Variants in PHACTR2 observed in about 807,000 individuals in gnomAD.
PHACTR2 encodes phosphatase and actin regulator 2.
PHACTR2 carries 30 observed loss-of-function variants against 76.0 expected under a neutral mutation model. The ratio of observed to expected loss-of-function variants is 0.39; its 90% CI spans 0.30 to 0.54. The LOEUF (loss-of-function observed/expected upper bound fraction) is 0.54. PHACTR2 is among the 20% of genes least tolerant of loss of function. The pLI is 0.61. For synonymous variants in PHACTR2, 292 were observed against 292.5 expected, an observed-to-expected ratio of 1.00 and a Z score of 0.02; for missense variants, 696 against 781.1, an observed-to-expected ratio of 0.89 and a Z score of 1.30.
rs1285473884 is a variant in PHACTR2 at position 143,820,710 on chromosome 6, G to A, written c.1923-2964G>A. On this transcript the variant is annotated intron_variant, in intron 12 of 12. Transcript: ENST00000440869. This position sits in a 1 kb window ranked among gnomAD's most constrained non-coding sequence, Gnocchi z 4.2. ...TGGATCTACCATTCTGGGGTCTGGA[G>A]GACAGTGACTTCCTTTTCACAGTTC... Among the ~76,000 whole-genome samples, 1 of 152,184 alleles carries A rather than the reference G, an allele frequency of 6.6e-6. No individual in the cohort carries two copies. Among genetic ancestry groups the A allele is most frequent in the East Asian group, 1.9e-4 (1 of 5,192 alleles).
intron 10 of PHACTR2, among the ~76,000 whole-genome samples, chr6:143,786,719 A>G (rs1182132548): frequency 6.6e-6 from 1 of 152,212 alleles, no homozygotes; most frequent in Non-Finnish European, 1.5e-5. Flanking sequence ...TAAAATGAGG[A>G]GAAAGCAAAA....
At chr6:143,631,029 G>C (rs1176689715) in intron 1 of PHACTR2, among the ~76,000 whole-genome samples, 1 of 152,108 alleles carries the variant, frequency 6.6e-6, no homozygotes, top group African/African-American at 2.4e-5. Flanking sequence ...AGCCTTCCTT[G>C]TTGGAAGGTA....
chr6:143,813,498 G>A (rs1201292290), intron 12 of PHACTR2, among the ~76,000 whole-genome samples: 1 of 151,690 alleles, frequency 6.6e-6, no homozygotes, highest in Non-Finnish European at 1.5e-5. Context: ...GGCGCCTGTA[G>A]TGCCAGCTAC....
At position 143,557,380 on chromosome 6, in the gene PHACTR2, C is replaced by T. The variant is rs1775193652; in HGVS notation, c.217+20173C>T. Among the ~76,000 whole-genome samples, 1 of 152,168 alleles carries T rather than the reference C, an allele frequency of 6.6e-6. No homozygotes were observed. Among genetic ancestry groups the T allele is most frequent in the African/African-American group, 2.4e-5 (1 of 41,438 alleles). On this transcript the variant is annotated intron_variant, in intron 1 of 11. Coordinates refer to the PHACTR2 transcript ENST00000367584. This position sits in a 1 kb window ranked among gnomAD's most constrained non-coding sequence, Gnocchi z 5.5. ...GTAAGTGCAGAGGCAGAATTTAAAGCCAAGTCTTCTGAGTCCAAGTTCAGG... is the reference window on the plus strand; with the variant it reads ...GTAAGTGCAGAGGCAGAATTTAAAGTCAAGTCTTCTGAGTCCAAGTTCAGG...
rs900677626 is a variant in PHACTR2, at chr6:143,825,370, T to C, written c.*1681T>C. ...TTTATTTAAAAATAAAAAATGTTAA[T>C]GCCAGTTGGCCTACTATAAAAAGCC... On this transcript the variant is annotated 3_prime_UTR_variant, in exon 13 of 13. Coordinates refer to ENST00000440869, the MANE Select transcript of PHACTR2 (RefSeq NM_001100164.2). This position sits in a 1 kb window ranked among gnomAD's most constrained non-coding sequence, Gnocchi z 4.1. The C allele has an allele frequency of 6.6e-6, 1 of 152,240 alleles. No homozygotes were observed. Among genetic ancestry groups the C allele is most frequent in the Admixed American group, 6.5e-5 (1 of 15,278 alleles). The allele number at this position is 152,240 out of a possible 1,614,324, so 9.4% of individuals were successfully genotyped here.
In PHACTR2 at chr6:143,641,705, C is replaced by T. The variant is rs1183816749; in HGVS notation, c.13+33383C>T. Among the ~76,000 whole-genome samples the T allele has an allele frequency of 6.6e-6, 1 of 152,044 alleles. No homozygotes were observed. Among genetic ancestry groups the T allele is most frequent in the Non-Finnish European group, 1.5e-5 (1 of 68,008 alleles). On this transcript the variant is annotated intron_variant, in intron 1 of 11. Transcript: ENST00000305766. The surrounding 1 kb of genome is among the most constrained non-coding windows in gnomAD (Gnocchi z 5.8). ...ATTTTGAATAGAGACGGGGTTTCTC[C>T]ATGTTGGTCAGGCTGGTCTTGAACT...
In PHACTR2 at chr6:143,587,336, A is replaced by T. The variant is rs149146424; in HGVS notation, c.217+50129A>T. ...ACATAGGAATGCTACGTTTTCTAGG[A>T]TTTGACATTTTCAGCGATCAAGAAT... On this transcript the variant is annotated intron_variant, in intron 1 of 11. Transcript: ENST00000367584. Among the ~76,000 whole-genome samples the T allele has an allele frequency of 3.7e-3, 564 of 152,362 alleles. 15 individuals are homozygous for T. In the East Asian group the frequency reaches 0.062, roughly 17 times the overall value.
At chr6:143,786,872 C>T (rs184147478) in intron 10 of PHACTR2, among the ~76,000 whole-genome samples, 1 of 152,190 alleles carries the variant, frequency 6.6e-6, no homozygotes, top group South Asian at 2.1e-4. Flanking sequence ...AGATACAATT[C>T]AAGTTGAGAT....
chr6:143,806,986 G>A lies in PHACTR2; in HGVS notation c.1846-71G>A. ...AAAAAAAAAAAAGGTCTGCTTCATT[G>A]ATGCTGTATATACTGGGGCAATATA... On this transcript the variant is annotated intron_variant, in intron 11 of 12. Transcript: ENST00000440869. This position sits in a 1 kb window ranked among gnomAD's most constrained non-coding sequence, Gnocchi z 5.8. 1 of 718,686 alleles carries A rather than the reference G, an allele frequency of 1.4e-6. No individual in the cohort carries two copies. The highest frequency in any genetic ancestry group is 2.3e-6 in the Non-Finnish European group (1 of 425,638). 44.5% of individuals were successfully genotyped at this position (718,686 alleles called of 1,614,324 possible). A position where few individuals can be genotyped will look rare whatever the true frequency, so the allele number is the denominator to read the frequency against.
At chr6:143,564,161 G>A (rs1775323554) in intron 1 of PHACTR2, among the ~76,000 whole-genome samples, 1 of 127,626 alleles carries the variant, frequency 7.8e-6, no homozygotes, top group Non-Finnish European at 1.7e-5. Flanking sequence ...TTATATGTGT[G>A]TGTGCATATA....
At position 143,803,696 on chromosome 6, in the gene PHACTR2, T is replaced by C. The variant is rs137874879; in HGVS notation, c.1846-3361T>C. The stretch of plus-strand genomic sequence containing the variant: ...TTGAGAATGATGTTAACATCACACA[T>C]AGAAAGGCTGTGTTTTCTAGGATTT... On this transcript the variant is annotated intron_variant, in intron 11 of 12. Coordinates refer to ENST00000440869, the MANE Select transcript of PHACTR2 (RefSeq NM_001100164.2). The surrounding 1 kb of genome is among the most constrained non-coding windows in gnomAD (Gnocchi z 4.7). Among the ~76,000 whole-genome samples the C allele has an allele frequency of 7.2e-5, 11 of 152,312 alleles. No homozygotes were observed. In the East Asian group the frequency reaches 1.3e-3, roughly 19 times the overall value.
Position 143,570,789 on chromosome 6 carries a change from T to C in PHACTR2, c.217+33582T>C, listed in dbSNP as rs1219898471. ...TTCTGGTAGGGGGCCTCTATCTTAT[T>C]GAGCACACTTTTGACGGTGGAGATG... On this transcript the variant is annotated intron_variant, in intron 1 of 11. Coordinates refer to the PHACTR2 transcript ENST00000367584. This position sits in a 1 kb window ranked among gnomAD's most constrained non-coding sequence, Gnocchi z 4.6. Among the ~76,000 whole-genome samples, 1 of 152,164 alleles carries C rather than the reference T, an allele frequency of 6.6e-6. No homozygotes were observed. Among genetic ancestry groups the C allele is most frequent in the East Asian group, 1.9e-4 (1 of 5,186 alleles).
At chr6:143,741,797 T>C (rs1424593714) in intron 2 of PHACTR2, among the ~76,000 whole-genome samples, 1 of 152,090 alleles carries the variant, frequency 6.6e-6, no homozygotes, top group Non-Finnish European at 1.5e-5. Flanking sequence ...GGAAGAAAAT[T>C]CAATTTAAAA....
rs1775445794 is a variant in PHACTR2 at position 143,782,145 on chromosome 6, G to A, written c.1646-1074G>A. 6.6e-6 allele frequency among the ~76,000 whole-genome samples: 1 copy of A among 151,892 alleles called. No homozygotes were observed. On this transcript the variant is annotated intron_variant, in intron 9 of 12. Coordinates refer to ENST00000440869, the MANE Select transcript of PHACTR2 (RefSeq NM_001100164.2). The surrounding 1 kb of genome is among the most constrained non-coding windows in gnomAD (Gnocchi z 4.6). ...TGGATTAAAAAAATTTTTTTTAATT[G>A]AACCCGGGAAGCGGAGGTTGCGGTG...
chr6:143,803,616 A>G lies in PHACTR2; in HGVS notation c.1846-3441A>G, dbSNP rs1455536171. Among the ~76,000 whole-genome samples the G allele has an allele frequency of 6.6e-6, 1 of 152,226 alleles. No homozygotes were observed. The highest frequency in any genetic ancestry group is 1.5e-5 in the Non-Finnish European group (1 of 68,042). ...AGTTGTTTCTAAATAGAACATCAAAATCATCTATTTTGGAAAAATCAGATT... is the reference window on the plus strand; with the variant it reads ...AGTTGTTTCTAAATAGAACATCAAAGTCATCTATTTTGGAAAAATCAGATT... On this transcript the variant is annotated intron_variant, in intron 11 of 12. Coordinates refer to ENST00000440869, the MANE Select transcript of PHACTR2 (RefSeq NM_001100164.2). The surrounding 1 kb of genome is among the most constrained non-coding windows in gnomAD (Gnocchi z 4.7).
Position 143,578,499 on chromosome 6 carries a change from C to T in PHACTR2, c.217+41292C>T, listed in dbSNP as rs6919613. Among the ~76,000 whole-genome samples, 48,848 of 151,868 alleles carry T rather than the reference C, an allele frequency of 0.32. 8,576 individuals carry two copies. The highest frequency in any genetic ancestry group is 0.39 in the Non-Finnish European group (26,591 of 67,956). ...CATTGACTGTGGGGAAGAATGGGGC[C>T]GAAATGCAGCCCATACCCTGCTTGC... On this transcript the variant is annotated intron_variant, in intron 1 of 11. Transcript: ENST00000367584. This position sits in a 1 kb window ranked among gnomAD's most constrained non-coding sequence, Gnocchi z 4.5.
intron 12 of PHACTR2, among the ~76,000 whole-genome samples, chr6:143,814,469 G>A (rs1227278892): frequency 1.3e-5 from 2 of 151,996 alleles, no homozygotes; most frequent in Admixed American, 6.6e-5. Flanking sequence ...GAAGGAGGGG[G>A]TTGGTCTTGC....
Position 143,678,056 on chromosome 6 carries a change from C to G in PHACTR2, c.-108C>G. The G allele has an allele frequency of 2.0e-6, 3 of 1,527,752 alleles. No individual in the cohort carries two copies. The highest frequency in any genetic ancestry group is 2.6e-6 in the Non-Finnish European group (3 of 1,135,144). The allele number at this position is 1,527,752 out of a possible 1,614,324, so 94.6% of individuals were successfully genotyped here. The stretch of plus-strand genomic sequence containing the variant: ...AGGTGAGGGGACCCGGCGGGCCGCT[C>G]GGCACAGGCCGGGACATGAACGCCT... On this transcript the variant is annotated 5_prime_UTR_variant, in exon 1 of 13. Transcript: ENST00000440869. This position sits in a 1 kb window ranked among gnomAD's most constrained non-coding sequence, Gnocchi z 6.2.
intron 1 of PHACTR2, among the ~76,000 whole-genome samples, chr6:143,579,995 A>G (rs946708244): frequency 5.3e-5 from 8 of 152,104 alleles, no homozygotes; most frequent in Admixed American, 4.6e-4. Context: ...TGGGGACCTT[A>G]GTTCCCCATG....
Sources: allele counts gnomAD v4.1 joint callset (sites outside exome capture counted in the v4.1 genomes callset), GRCh38; gene constraint gnomAD v4.1.1; non-coding constraint Gnocchi (gnomAD v3.1); transcripts MANE v1.5; gene names NCBI Gene and HGNC (gene_info 2026-07-23, HGNC 2026-07-21).